The following ADPRM variants were observed in gnomAD, a reference collection of about 807,000 sequenced individuals.
The protein encoded by ADPRM is manganese-dependent ADP-ribose/CDP-alcohol diphosphatase.
ADPRM carries 17 observed loss-of-function variants against 27.2 expected under a neutral mutation model. The observed-to-expected ratio is 0.63, with a 90% CI of 0.43 to 0.94. ADPRM has a LOEUF of 0.94. Among genes scored for constraint, ADPRM ranks in the 40% least tolerant of loss-of-function variants. The probability of loss-of-function intolerance (pLI) is 0.00; values close to 1 mark genes in which losing one functional copy is unlikely to be tolerated. For synonymous variants in ADPRM, 135 were observed against 145.3 expected (o/e 0.93, Z 0.51); for missense variants, 337 against 412.8 (o/e 0.82, Z 1.59).
chr17:10,699,862 G>C (rs1011272296), intron 1 of ADPRM, among the ~76,000 whole-genome samples: 2 of 152,114 alleles, frequency 1.3e-5, no homozygotes, highest in African/African-American at 4.8e-5. Context: ...GAGAGAAGCA[G>C]GGCATGGATT....
In ADPRM at chr17:10,711,029, A is replaced by C; in HGVS notation, c.914A>C (p.Asp305Ala). The C allele has an allele frequency of 6.2e-7, 1 of 1,614,194 alleles. No individual in the cohort carries two copies. The highest frequency in any genetic ancestry group is 1.1e-5 in the South Asian group (1 of 91,092). The change falls in exon 4 of 4, where the codon GAC becomes GCC. Residue 305 changes from aspartate (D) to alanine (A), a missense_variant. Coordinates refer to ENST00000379774, the MANE Select transcript of ADPRM (RefSeq NM_020233.5). ...NLEGVIETAPDSQAFGTVHVY... is the reference protein window; with the variant it reads ...NLEGVIETAPASQAFGTVHVY... ...GAAGGAGTTATTGAAACAGCTCCAG[A>C]CAGCCAAGCCTTTGGCACAGTTCAT...
chr17:10,710,782 A>C (rs1283941469), intron 3 of ADPRM, 52 bp from the exon 4 acceptor site: 5 of 1,516,806 alleles, frequency 3.3e-6, no homozygotes, highest in Non-Finnish European at 4.5e-6. Context: ...TTATTTTTAT[A>C]GAAGAGATAT....
At chr17:10,708,451 C>T (rs1195533136) in intron 3 of ADPRM, among the ~76,000 whole-genome samples, 1 of 42,764 alleles carries the variant, frequency 2.3e-5, no homozygotes, top group East Asian at 6.4e-4. Context: ...AAAAAAAAAA[C>T]CTTTGAAAAT....
chr17:10,711,192 C>G lies in ADPRM; in HGVS notation c.*48C>G. ...GAAAATGAGCTTTGTGTTTGTCCCT[C>G]CTAAACAAAAAAATAAAAATCCTCT... is the stretch of plus-strand genomic sequence containing the variant. On this transcript the variant is annotated 3_prime_UTR_variant, in exon 4 of 4. Coordinates refer to ENST00000379774, the MANE Select transcript of ADPRM (RefSeq NM_020233.5). The G allele has an allele frequency of 1.4e-6, 2 of 1,441,524 alleles. No homozygotes were observed. Among genetic ancestry groups the G allele is most frequent in the Non-Finnish European group, 1.9e-6 (2 of 1,065,490 alleles). The allele number at this position is 1,441,524 out of a possible 1,614,324, so 89.3% of individuals were successfully genotyped here.
At chr17:10,701,620 C>T (rs1240885667) in intron 1 of ADPRM, among the ~76,000 whole-genome samples, 3 of 152,212 alleles carry the variant, frequency 2.0e-5, no homozygotes, top group Admixed American at 6.5e-5. Context: ...TGAGCCACCA[C>T]GCCTGGCCTA....
Position 10,711,403 on chromosome 17 carries a change from A to T in ADPRM, c.*259A>T, listed in dbSNP as rs995241103. Among the ~76,000 whole-genome samples, 1 of 152,048 alleles carries T rather than the reference A, an allele frequency of 6.6e-6. No homozygotes were observed. Among genetic ancestry groups the T allele is most frequent in the Non-Finnish European group, 1.5e-5 (1 of 68,000 alleles). On this transcript the variant is annotated 3_prime_UTR_variant, in exon 4 of 4. Coordinates refer to ENST00000379774, the MANE Select transcript of ADPRM (RefSeq NM_020233.5). The stretch of plus-strand genomic sequence containing the variant: ...AAGGGGCATATAGTCCTCATGAGGG[A>T]TCTTATTTGGCCCTACCTGATTTTT...
rs750352845 is a variant in ADPRM at position 10,710,873 on chromosome 17, G to T, written c.758G>T (p.Cys253Phe). ...TACCCGGACGCCTCTGACAATGTGT[G>T]CCTGGCCTGGAACTACAGAGATGCC... ...PIYPDASDNV[C>F]LAWNYRDALA... Residue 253 changes from cysteine to phenylalanine, a missense_variant, in exon 4 of 4, where the codon TGC becomes TTC. Physicochemically the swap from Cys to Phe is radical, Grantham distance 205. Coordinates refer to ENST00000379774, the MANE Select transcript of ADPRM (RefSeq NM_020233.5). The T allele has an allele frequency of 1.2e-6, 2 of 1,614,160 alleles. No individual in the cohort carries two copies. Among genetic ancestry groups the T allele is most frequent in the East Asian group, 2.2e-5 (1 of 44,884 alleles).
At position 10,711,223 on chromosome 17, in the gene ADPRM, A is replaced by T; in HGVS notation, c.*79A>T. ...CAAAAAAATAAAAATCCTCTGTCTC[A>T]TTGTTTAGTATTCAGCTTGCATAAC... On this transcript the variant is annotated 3_prime_UTR_variant, in exon 4 of 4. Coordinates refer to ENST00000379774, the MANE Select transcript of ADPRM (RefSeq NM_020233.5). 9.1e-7 allele frequency: 1 copy of T among 1,100,660 alleles called. No individual in the cohort carries two copies. Among genetic ancestry groups the T allele is most frequent in the South Asian group, 1.6e-5 (1 of 62,268 alleles). 68.2% of individuals were successfully genotyped at this position (1,100,660 alleles called of 1,614,324 possible).
chr17:10,705,802 G>A lies in ADPRM; in HGVS notation c.601+275G>A. The A allele has an allele frequency of 2.3e-6, 1 of 434,100 alleles. No homozygotes were observed. The highest frequency in any genetic ancestry group is 4.2e-6 in the Non-Finnish European group (1 of 237,852). The allele number at this position is 434,100 out of a possible 1,614,324, so 26.9% of individuals were successfully genotyped here. A position where few individuals can be genotyped will look rare whatever the true frequency, so the allele number is the denominator to read the frequency against. ...TAACAATATTACTTTTTTGATGGATGGAATGGAGGGAACAAACACAGTACG... is the reference window on the plus strand; with the variant it reads ...TAACAATATTACTTTTTTGATGGATAGAATGGAGGGAACAAACACAGTACG... On this transcript the variant is annotated intron_variant, in intron 2 of 3. Coordinates refer to ENST00000379774, the MANE Select transcript of ADPRM (RefSeq NM_020233.5). This position sits in a 1 kb window ranked among gnomAD's most constrained non-coding sequence, Gnocchi z 5.4.
Position 10,701,394 on chromosome 17 carries a change from G to A in ADPRM, c.-17-3516G>A, listed in dbSNP as rs574678618. 9.6e-4 allele frequency among the ~76,000 whole-genome samples: 146 copies of A among 151,550 alleles called. 1 individual carries two copies. Among genetic ancestry groups the A allele is most frequent in the Non-Finnish European group, 2.0e-3 (133 of 67,882 alleles). ...TGCCCAGGCTGGAGTGCAGTGGCGC[G>A]ATCTCGGCTCACTGCAAGCTCCGCC... On this transcript the variant is annotated intron_variant, in intron 1 of 3. Transcript: ENST00000379774.
At chr17:10,703,286 CT>C (rs1456252944) in intron 1 of ADPRM, among the ~76,000 whole-genome samples, 1 of 152,122 alleles carries the variant, frequency 6.6e-6, no homozygotes, top group Non-Finnish European at 1.5e-5. Context: ...CAGATTACCT[CT>C]CATTTATACA....
chr17:10,705,296 T>A lies in ADPRM; in HGVS notation c.370T>A (p.Ser124Thr). The stretch of plus-strand genomic sequence containing the variant: ...CTTCAGTAGAGAGTATTTAACACAC[T>A]CTAAACTTAACACTAAGTTTCTAGA... ...YNFSREYLTH[S>T]KLNTKFLEDQ... is the part of the protein sequence containing the mutation. The change falls in exon 2 of 4, where the codon TCT (serine) becomes ACT (threonine). Residue 124 changes from serine to threonine, a missense_variant. By Grantham distance (58) the Ser-to-Thr change is moderately conservative. Coordinates refer to ENST00000379774, the MANE Select transcript of ADPRM (RefSeq NM_020233.5). The surrounding 1 kb of genome is among the most constrained non-coding windows in gnomAD (Gnocchi z 5.4). The A allele has an allele frequency of 6.2e-7, 1 of 1,614,060 alleles. No individual in the cohort carries two copies. The highest frequency in any genetic ancestry group is 1.3e-5 in the African/African-American group (1 of 75,068).
rs2074742061 is a variant in ADPRM, at chr17:10,697,620, T to G, written c.-65T>G. The G allele has an allele frequency of 6.8e-6, 9 of 1,332,324 alleles. No homozygotes were observed. In the Admixed American group the frequency reaches 1.7e-4, roughly 25 times the overall value. The allele number at this position is 1,332,324 out of a possible 1,614,324, so 82.5% of individuals were successfully genotyped here. A position where few individuals can be genotyped will look rare whatever the true frequency, so the allele number is the denominator to read the frequency against. On this transcript the variant is annotated 5_prime_UTR_variant, in exon 1 of 4. Coordinates refer to ENST00000379774, the MANE Select transcript of ADPRM (RefSeq NM_020233.5). The stretch of plus-strand genomic sequence containing the variant: ...TCCGTCCCGCTCGTTGGTGGCGCTG[T>G]TACATAGCCCGTAGTCAGAGGCCTT...
Position 10,706,355 on chromosome 17 carries a change from A to G in ADPRM, c.602-83A>G. 5 of 856,076 alleles carry G rather than the reference A, an allele frequency of 5.8e-6. No homozygotes were observed. In the South Asian group the frequency reaches 6.4e-5, roughly 11 times the overall value. The allele number at this position is 856,076 out of a possible 1,614,324, so 53.0% of individuals were successfully genotyped here. A position where few individuals can be genotyped will look rare whatever the true frequency, so the allele number is the denominator to read the frequency against. ...ATCAGATATTCCTAAAGAAAAAACA[A>G]GTGTCCCTACATTAACTAAATTTGA... On this transcript the variant is annotated intron_variant, in intron 2 of 3. Coordinates refer to ENST00000379774, the MANE Select transcript of ADPRM (RefSeq NM_020233.5).
intron 1 of ADPRM, among the ~76,000 whole-genome samples, chr17:10,701,342 T>C (rs1473337427): frequency 6.6e-6 from 1 of 152,134 alleles, no homozygotes; most frequent in Admixed American, 6.5e-5. Context: ...TATACTTTTT[T>C]TTTTTTGAGA....
In ADPRM at chr17:10,710,943, T is replaced by TG. The variant is rs779855764; in HGVS notation, c.830dup (p.His278SerfsTer4). 139 of 1,614,088 alleles carry TG rather than the reference T, an allele frequency of 8.6e-5. No individual in the cohort carries two copies. The highest frequency in any genetic ancestry group is 3.5e-4 in the Admixed American group (21 of 60,010). ...ATGAGTGTGTGGTGTGTTTCTTTGCTGGTCACACCCATGATGGTGGCTACT... is the reference window on the plus strand; with the variant it reads ...ATGAGTGTGTGGTGTGTTTCTTTGCTGGGTCACACCCATGATGGTGGCTACT... On this transcript the variant is annotated frameshift_variant, in exon 4 of 4. Coordinates refer to ENST00000379774, the MANE Select transcript of ADPRM (RefSeq NM_020233.5). LOFTEE classifies it high-confidence loss of function.
Position 10,697,680 on chromosome 17 carries a change from C to T in ADPRM, c.-18+13C>T. 1 of 826,630 alleles carries T rather than the reference C, an allele frequency of 1.2e-6. No individual in the cohort carries two copies. The highest frequency in any genetic ancestry group is 1.5e-5 in the South Asian group (1 of 65,584). The allele number at this position is 826,630 out of a possible 1,614,324, so 51.2% of individuals were successfully genotyped here. A position where few individuals can be genotyped will look rare whatever the true frequency, so the allele number is the denominator to read the frequency against. ...GGGCCGGCGCACGGTAGGTAGTTCC[C>T]TGCGGCTGGAGGCGGGTCTGGCGCG... is the stretch of plus-strand genomic sequence containing the variant. On this transcript the variant is annotated intron_variant, in intron 1 of 3. Coordinates refer to ENST00000379774, the MANE Select transcript of ADPRM (RefSeq NM_020233.5).
chr17:10,705,282 AGT>A lies in ADPRM; in HGVS notation c.357_358del (p.Tyr120PhefsTer5). On this transcript the variant is annotated frameshift_variant, in exon 2 of 4. Coordinates refer to ENST00000379774, the MANE Select transcript of ADPRM (RefSeq NM_020233.5). LOFTEE classifies it high-confidence loss of function. The surrounding 1 kb of genome is among the most constrained non-coding windows in gnomAD (Gnocchi z 5.4). ...CATGAATTCTATAACTTCAGTAGAG[AGT>A]ATTTAACACACTCTAAACTTAACAC... 1 of 1,613,890 alleles carries A rather than the reference AGT, an allele frequency of 6.2e-7. No homozygotes were observed. The highest frequency in any genetic ancestry group is 8.5e-7 in the Non-Finnish European group (1 of 1,179,844).
intron 3 of ADPRM, among the ~76,000 whole-genome samples, chr17:10,708,450 A>AAACAAAC (rs57337863): frequency 8.4e-6 from 1 of 118,938 alleles, no homozygotes; most frequent in African/African-American, 3.5e-5. Flanking sequence ...AAAAAAAAAA[A>AAACAAAC]CCTTTGAAAA....
Sources: gnomAD v4.1 joint callset for allele counts (sites outside exome capture counted in the v4.1 genomes callset) on GRCh38, gnomAD v4.1.1 for gene constraint, Gnocchi (gnomAD v3.1) non-coding constraint, MANE v1.5 for transcripts, NCBI Gene and HGNC (gene_info 2026-07-23, HGNC 2026-07-21) for gene names.